PNPLA7: variants seen among roughly 807,000 people sequenced by gnomAD.
The protein encoded by PNPLA7 is patatin like domain 7, lysophospholipase, also known as patatin-like phospholipase domain-containing protein 7.
In PNPLA7, 153 loss-of-function variants were observed where a neutral mutation model predicts 161.7. That is an observed-to-expected ratio of 0.95 (90% confidence interval 0.83 to 1.08). PNPLA7 has a LOEUF of 1.08. Ranked by LOEUF, PNPLA7 falls within the 50% of genes least tolerant of loss-of-function variation. The pLI is 0.00. For missense variants in PNPLA7, 1,739 were observed against 1,856.6 expected (o/e 0.94, Z 1.16); for synonymous variants, 809 against 782.1 (o/e 1.03, Z -0.57).
chr9:137,480,973 C>T lies in PNPLA7; in HGVS notation c.2398G>A (p.Ala800Thr), dbSNP rs1484933193. 44 of 1,551,406 alleles carry T rather than the reference C, an allele frequency of 2.8e-5. No homozygotes were observed. Among genetic ancestry groups the T allele is most frequent in the Non-Finnish European group, 3.5e-5 (40 of 1,146,938 alleles). Residue 800 changes from alanine (A) to threonine (T), a missense_variant, in exon 22 of 35, where the codon GCT becomes ACT. Ala to Thr is a moderately conservative substitution (Grantham distance 58, BLOSUM62 0). This residue lies in a region of PNPLA7 where 192 missense variants were observed against 249.5 expected (regional missense o/e 0.77). Transcript: ENST00000406427. Reference sequence around the variant, plus strand: ...GGCGGCACGCACCTGTCCAGGGCAGCGGAGCCAAGGCGCCGTTTTATGTTG... The same window carrying T: ...GGCGGCACGCACCTGTCCAGGGCAGTGGAGCCAAGGCGCCGTTTTATGTTG... ...SDNIKRRLGS[A>T]ALDSVHEYRL...
intron 28 of PNPLA7, among the ~76,000 whole-genome samples, chr9:137,463,779 A>G (rs879293263): frequency 7.3e-5 from 11 of 151,622 alleles, no homozygotes; most frequent in Non-Finnish European, 1.2e-4. Context: ...GGAGCCCCTC[A>G]CCCCATGACC....
intron 9 of PNPLA7, 84 bp from the exon 10 acceptor site, chr9:137,521,800 A>G: frequency 8.2e-7 from 1 of 1,218,218 alleles, no homozygotes; most frequent in Non-Finnish European, 1.2e-6. Context: ...AGCACTGAGA[A>G]CCGTGCCCCA....
In PNPLA7 at chr9:137,480,343, C is replaced by A. The variant is rs1296882839; in HGVS notation, c.2549G>T (p.Gly850Val). The A allele has an allele frequency of 6.2e-7, 1 of 1,612,990 alleles. No homozygotes were observed. Among genetic ancestry groups the A allele is most frequent in the African/African-American group, 1.3e-5 (1 of 74,924 alleles). The change falls in exon 23 of 35, where the codon GGC becomes GTC. Residue 850 changes from glycine to valine, a missense_variant. By Grantham distance (109) the Gly-to-Val change is moderately radical (BLOSUM62 -3). Transcript: ENST00000406427. ...CACTGTGGGCTCCTGGTCACCCAGG[C>A]CCACGATGAGGATGCAGTCGGCCTG... ...VRQADCILIV[G>V]LGDQEPTVGE...
In PNPLA7 at chr9:137,543,539, C is replaced by T; in HGVS notation, c.399G>A (p.Leu133=). 6.2e-7 allele frequency: 1 copy of T among 1,613,612 alleles called. No individual in the cohort carries two copies. Among genetic ancestry groups the T allele is most frequent in the South Asian group, 1.1e-5 (1 of 91,032 alleles). Residue 133 remains leucine, a synonymous_variant, in exon 6 of 35, where the codon CTG becomes CTA. Coordinates refer to ENST00000406427, the MANE Select transcript of PNPLA7 (RefSeq NM_001098537.3). This position sits in a 1 kb window ranked among gnomAD's most constrained non-coding sequence, Gnocchi z 6.9. ...GGGAGGGCGGGGGCTCCTTGGGCTG[C>T]AGGGCCGGGTATTCCTTCTTGAAAC... is the stretch of plus-strand genomic sequence containing the variant. ...ILRFKKEYPA[L]QPKEPPPSLL...
rs565154349 is a variant in PNPLA7 at position 137,489,676 on chromosome 9, G to A, written c.2197+3337C>T. On this transcript the variant is annotated intron_variant, in intron 20 of 34. Coordinates refer to ENST00000406427, the MANE Select transcript of PNPLA7 (RefSeq NM_001098537.3). ...GAACGTCCTAGCAAAGAAACAGGAG[G>A]CACACAGAAGAACCAAAACACGATG... 3.0e-4 allele frequency among the ~76,000 whole-genome samples: 46 copies of A among 152,228 alleles called. No individual in the cohort carries two copies. The South Asian group carries it at 9.6e-3, about 32-fold the overall frequency.
chr9:137,485,305 A>T (rs1254502634), intron 20 of PNPLA7, among the ~76,000 whole-genome samples: 1 of 152,022 alleles, frequency 6.6e-6, no homozygotes, highest in African/African-American at 2.4e-5. Flanking sequence ...GTGAGGCCTC[A>T]TCGGAGTAAA....
At chr9:137,546,466 A>G (rs1836532755) in intron 4 of PNPLA7, among the ~76,000 whole-genome samples, 2 of 152,050 alleles carry the variant, frequency 1.3e-5, no homozygotes, top group Admixed American at 6.5e-5. Flanking sequence ...GTCTCCGCAC[A>G]GGGGGAGAAA....
At chr9:137,513,868 A>G (rs145758138) in intron 12 of PNPLA7, among the ~76,000 whole-genome samples, 75 of 152,392 alleles carry the variant, frequency 4.9e-4, no homozygotes, top group Middle Eastern at 3.4e-3. Flanking sequence ...GGCAGAGAAT[A>G]CGACCAGACA....
chr9:137,460,459 C>T lies in PNPLA7; in HGVS notation c.3963G>A (p.Leu1321=). 4.3e-6 allele frequency: 7 copies of T among 1,612,664 alleles called. No individual in the cohort carries two copies. Among genetic ancestry groups the T allele is most frequent in the Non-Finnish European group, 5.9e-6 (7 of 1,179,930 alleles). The change falls in exon 35 of 35, where the codon CTG becomes CTA. Residue 1321 remains leucine, a synonymous_variant. Coordinates refer to ENST00000406427, the MANE Select transcript of PNPLA7 (RefSeq NM_001098537.3). ...AAGCCAGACTGGGGTGTCGATGCCG[C>T]AGTGAGGACTCGTCCTCCTGCAAGC... ...QGSDLEDESS[L]RHRHPSLAFP...
intron 12 of PNPLA7, 54 bp from the exon 13 acceptor site, chr9:137,506,137 G>A (rs566364976): frequency 1.1e-5 from 16 of 1,477,458 alleles, no homozygotes; most frequent in Middle Eastern, 1.7e-4. Context: ...TGACACAAAC[G>A]TCCGCGGTGT....
chr9:137,469,424 C>T (rs539513112), intron 25 of PNPLA7, among the ~76,000 whole-genome samples: 1 of 152,298 alleles, frequency 6.6e-6, no homozygotes, highest in Admixed American at 6.5e-5. Flanking sequence ...TACAGACAGA[C>T]ATCAGGCCTC....
chr9:137,506,501 T>G (rs189082432), intron 12 of PNPLA7, among the ~76,000 whole-genome samples: 182 of 152,302 alleles, frequency 1.2e-3, no homozygotes, highest in Non-Finnish European at 1.8e-3. Flanking sequence ...TGCCGCCCTC[T>G]GTATGTGAGC....
chr9:137,480,250 G>T, intron 23 of PNPLA7, 62 bp downstream of exon 23: 2 of 1,543,416 alleles, frequency 1.3e-6, no homozygotes, highest in South Asian at 2.3e-5. Context: ...CAAAGGAAAA[G>T]AGAAACAGGA....
chr9:137,522,284 C>G (rs1387474006), intron 9 of PNPLA7, among the ~76,000 whole-genome samples: 2 of 149,778 alleles, frequency 1.3e-5, no homozygotes, highest in Non-Finnish European at 2.9e-5. Context: ...CCGTGTGAGC[C>G]AGGATGGTCT....
rs149550101 is a variant in PNPLA7 at position 137,547,369 on chromosome 9, G to A, written c.133C>T (p.Leu45=). The part of the protein sequence containing the change: ...MLTGIAVGAL[L]ALALVGVLIL... ...AGGACACCAACCAAGGCCAGGGCCA[G>A]GAGGGCTCCAACTGCAATCCCCGTC... Residue 45 remains leucine, a synonymous_variant, in exon 3 of 35, where the codon CTG becomes TTG. Transcript: ENST00000406427. This position sits in a 1 kb window ranked among gnomAD's most constrained non-coding sequence, Gnocchi z 4.6. 8.5e-4 allele frequency: 1,365 copies of A among 1,613,586 alleles called. No homozygotes were observed. The highest frequency in any genetic ancestry group is 9.7e-4 in the Non-Finnish European group (1,146 of 1,179,998).
intron 25 of PNPLA7, among the ~76,000 whole-genome samples, chr9:137,477,104 A>G (rs1831973913): frequency 6.6e-6 from 1 of 152,156 alleles, no homozygotes; most frequent in South Asian, 2.1e-4. Context: ...CCGCCCAGGC[A>G]CCCCTCGATG....
intron 33 of PNPLA7, chr9:137,461,230 T>C: frequency 5.1e-6 from 2 of 390,688 alleles, no homozygotes; most frequent in Non-Finnish European, 9.5e-6. Context: ...CAGCCTTCAT[T>C]CCCATTTCCC....
chr9:137,526,335 T>C (rs1432593353), intron 8 of PNPLA7, among the ~76,000 whole-genome samples: 3 of 152,128 alleles, frequency 2.0e-5, no homozygotes, highest in Non-Finnish European at 4.4e-5. Flanking sequence ...TGGAGTGCAA[T>C]GGCGCGATCT....
intron 8 of PNPLA7, among the ~76,000 whole-genome samples, chr9:137,536,115 T>C (rs1835874297): frequency 6.7e-6 from 1 of 148,504 alleles, no homozygotes; most frequent in Non-Finnish European, 1.5e-5. Context: ...ATCGCGCCAC[T>C]GCACTCCAGC....
Sources: gnomAD v4.1 joint callset for allele counts (sites outside exome capture counted in the v4.1 genomes callset) on GRCh38, gnomAD v4.1.1 for gene constraint, gnomAD v4.1.1 regional missense constraint, Gnocchi (gnomAD v3.1) non-coding constraint, MANE v1.5 for transcripts, NCBI Gene and HGNC (gene_info 2026-07-23, HGNC 2026-07-21) for gene names.